WDR97: variants seen among roughly 807,000 people sequenced by gnomAD.
WDR97 encodes the protein WD repeat domain 97, also known as WD repeat-containing protein 97.
WDR97 carries 111 observed loss-of-function variants against 65.4 expected under a neutral mutation model. The observed-to-expected ratio is 1.70, with a 90% CI of 1.45 to 1.99. The LOEUF is 1.99. Among genes scored for constraint, WDR97 ranks in the 30% most tolerant of loss-of-function variants. WDR97 has a pLI of 0.00. For missense variants in WDR97, 1,674 were observed against 865.0 expected (o/e 1.94, Z -11.73); for synonymous variants, 802 against 397.7 (o/e 2.02, Z -12.10).
chr8:144,115,380 A>G lies in WDR97; in HGVS notation c.4117A>G (p.Thr1373Ala). 3.2e-6 allele frequency: 2 copies of G among 620,502 alleles called. No individual in the cohort carries two copies. The highest frequency in any genetic ancestry group is 5.8e-6 in the Non-Finnish European group (2 of 342,902). 38.4% of individuals were successfully genotyped at this position (620,502 alleles called of 1,614,324 possible). ...GACGTCAGTGGTCTCTGGGGCACCC[A>G]CACGCGCCTCCGTGATACCCTCGGG... The part of the protein sequence containing the change: ...SQTSVVSGAP[T>A]RASVIPSGTS... The change falls in exon 22 of 24, where the codon ACA becomes GCA. Residue 1373 changes from threonine to alanine, a missense_variant. Physicochemically the swap from Thr to Ala is moderately conservative, Grantham distance 58. Coordinates refer to ENST00000323662, the MANE Select transcript of WDR97 (RefSeq NM_001316309.2).
chr8:144,111,709 C>T lies in WDR97; in HGVS notation c.2565C>T (p.Pro855=), dbSNP rs936833712. 1.9e-5 allele frequency: 13 copies of T among 698,338 alleles called. No individual in the cohort carries two copies. Among genetic ancestry groups the T allele is most frequent in the African/African-American group, 7.0e-5 (4 of 57,078 alleles). The allele number at this position is 698,338 out of a possible 1,614,324, so 43.3% of individuals were successfully genotyped here. The change falls in exon 12 of 24, where the codon CCC becomes CCT. Residue 855 remains proline (P), a synonymous_variant. Coordinates refer to ENST00000323662, the MANE Select transcript of WDR97 (RefSeq NM_001316309.2). ...GGCTAGTGGTCCCAGCAGCCCAGCC[C>T]CCACCCTCCTGGCAGCAGCGCCAGG... The part of the protein sequence containing the change: ...RLGLVVPAAQ[P]PPSWQQRQEG...
At position 144,111,027 on chromosome 8, in the gene WDR97, G is replaced by A. The variant is rs1240920689; in HGVS notation, c.2304+31G>A. The A allele has an allele frequency of 1.1e-5, 8 of 702,216 alleles. No individual in the cohort carries two copies. In the Admixed American group the frequency reaches 1.2e-4, roughly 11 times the overall value. The allele number at this position is 702,216 out of a possible 1,614,324, so 43.5% of individuals were successfully genotyped here. A position where few individuals can be genotyped will look rare whatever the true frequency, so the allele number is the denominator to read the frequency against. On this transcript the variant is annotated intron_variant, in intron 9 of 23. Coordinates refer to ENST00000323662, the MANE Select transcript of WDR97 (RefSeq NM_001316309.2). The stretch of plus-strand genomic sequence containing the variant: ...TGGTGAGGACAGAGTGAGCAAGGTG[G>A]GCCCCCCTTGCTCACCTTGGGGGGC...
chr8:144,114,301 C>T lies in WDR97; in HGVS notation c.3618C>T (p.Ile1206=), dbSNP rs528202886. Residue 1206 remains isoleucine (I), a synonymous_variant, in exon 19 of 24, where the codon ATC becomes ATT. Transcript: ENST00000323662. Reference sequence around the variant, plus strand: ...AGGCATACCCGGAGGCGGGCACGATCGAGGGCCTGGCCTCGCTGTTGGTGG... The same window carrying T: ...AGGCATACCCGGAGGCGGGCACGATTGAGGGCCTGGCCTCGCTGTTGGTGG... ...SLQAYPEAGT[I]EGLASLLVAL... 252 of 702,116 alleles carry T rather than the reference C, an allele frequency of 3.6e-4. 3 individuals carry two copies. Among genetic ancestry groups the T allele is most frequent in the South Asian group, 2.9e-3 (193 of 67,596 alleles). 43.5% of individuals were successfully genotyped at this position (702,116 alleles called of 1,614,324 possible).
chr8:144,115,993 G>C lies in WDR97; in HGVS notation c.4646G>C (p.Arg1549Thr). Residue 1549 changes from arginine to threonine, a missense_variant, in exon 23 of 24, where the codon AGG becomes ACG. Physicochemically the swap from Arg to Thr is moderately conservative, Grantham distance 71. Transcript: ENST00000323662. ...GAGGCCAAGCCGCAGAGGTCCGCGA[G>C]GTCCGCGATGAGACTGAGGGGTGAG... ...LQEAKPQRSA[R>T]SAMRLRGPMR... The C allele has an allele frequency of 1.4e-6, 1 of 700,560 alleles. No individual in the cohort carries two copies. The highest frequency in any genetic ancestry group is 1.5e-5 in the South Asian group (1 of 67,534). The allele number at this position is 700,560 out of a possible 1,614,324, so 43.4% of individuals were successfully genotyped here. A position where few individuals can be genotyped will look rare whatever the true frequency, so the allele number is the denominator to read the frequency against.
intron 16 of WDR97, 31 bp downstream of exon 16, chr8:144,113,548 G>A (rs767213797): frequency 1.7e-4 from 119 of 688,056 alleles, no homozygotes; most frequent in Admixed American, 3.9e-4. Flanking sequence ...GACTCAGCTC[G>A]CCTCCCAGAG....
Position 144,112,118 on chromosome 8 carries a change from C to T in WDR97, c.2869C>T (p.Arg957Cys), listed in dbSNP as rs746528460. Residue 957 changes from arginine (R) to cysteine (C), a missense_variant, in exon 13 of 24, where the codon CGT becomes TGT. By Grantham distance (180) the Arg-to-Cys change is radical (BLOSUM62 -3). Coordinates refer to ENST00000323662, the MANE Select transcript of WDR97 (RefSeq NM_001316309.2). ...CACAGTGCCGATCCCACCCACCCACCGTAGGGTGCACAGCAAGGCATCCCA... is the reference window on the plus strand; with the variant it reads ...CACAGTGCCGATCCCACCCACCCACTGTAGGGTGCACAGCAAGGCATCCCA... ...RVTVPIPPTHRRVHSKASQLL... is the reference protein window; with the variant it reads ...RVTVPIPPTHCRVHSKASQLL... 4.3e-6 allele frequency: 3 copies of T among 702,724 alleles called. No homozygotes were observed. The highest frequency in any genetic ancestry group is 3.0e-5 in the South Asian group (2 of 67,604). The allele number at this position is 702,724 out of a possible 1,614,324, so 43.5% of individuals were successfully genotyped here.
In WDR97 at chr8:144,108,504, G is replaced by T. The variant is rs1468315476; in HGVS notation, c.438G>T (p.Ala146=). The part of the protein sequence containing the change: ...EDGWAQETLL[A]PVRLTGLVTV... ...GCTGGGCACAGGAGACGCTGCTGGC[G>T]CCTGTCCGGCTTACGGGGCTGGTGA... Residue 146 remains alanine (A), a synonymous_variant, in exon 3 of 24, where the codon GCG becomes GCT. Transcript: ENST00000323662. 1.4e-6 allele frequency: 1 copy of T among 700,762 alleles called. No homozygotes were observed. Among genetic ancestry groups the T allele is most frequent in the Non-Finnish European group, 2.6e-6 (1 of 384,310 alleles). The allele number at this position is 700,762 out of a possible 1,614,324, so 43.4% of individuals were successfully genotyped here. A position where few individuals can be genotyped will look rare whatever the true frequency, so the allele number is the denominator to read the frequency against.
At position 144,114,652 on chromosome 8, in the gene WDR97, C is replaced by G. The variant is rs1005307103; in HGVS notation, c.3891C>G (p.Phe1297Leu). ...TGGTGCTGGAGCTCATGTCCTACTT[C>G]CTCTACTCTCCCGTGCACTGCCGGT... ...RDVVLELMSY[F>L]LYSPVHCRPE... is the part of the protein sequence containing the mutation. Residue 1297 changes from phenylalanine (F) to leucine (L), a missense_variant, in exon 20 of 24, where the codon TTC (phenylalanine) becomes TTG (leucine). Coordinates refer to ENST00000323662, the MANE Select transcript of WDR97 (RefSeq NM_001316309.2). 5.7e-6 allele frequency: 4 copies of G among 702,736 alleles called. No individual in the cohort carries two copies. Among genetic ancestry groups the G allele is most frequent in the Non-Finnish European group, 1.0e-5 (4 of 385,008 alleles). The allele number at this position is 702,736 out of a possible 1,614,324, so 43.5% of individuals were successfully genotyped here.
At position 144,109,394 on chromosome 8, in the gene WDR97, G is replaced by T; in HGVS notation, c.1060G>T (p.Asp354Tyr). 1 of 702,602 alleles carries T rather than the reference G, an allele frequency of 1.4e-6. No homozygotes were observed. Among genetic ancestry groups the T allele is most frequent in the Non-Finnish European group, 2.6e-6 (1 of 384,858 alleles). The allele number at this position is 702,602 out of a possible 1,614,324, so 43.5% of individuals were successfully genotyped here. Residue 354 changes from aspartate (D) to tyrosine (Y), a missense_variant, in exon 5 of 24, where the codon GAC (aspartate) becomes TAC (tyrosine). Transcript: ENST00000323662. ...GACCCTGGTGTTGTCGGCCTCGCAGGACGGGACGCTACGCACCTGGGACCT... is the reference window on the plus strand; with the variant it reads ...GACCCTGGTGTTGTCGGCCTCGCAGTACGGGACGCTACGCACCTGGGACCT... Reference protein sequence around the residue: ...NTTLVLSASQDGTLRTWDLQA... With the variant: ...NTTLVLSASQYGTLRTWDLQA...
At position 144,109,645 on chromosome 8, in the gene WDR97, T is replaced by C; in HGVS notation, c.1311T>C (p.Pro437=). 3 of 673,170 alleles carry C rather than the reference T, an allele frequency of 4.5e-6. No individual in the cohort carries two copies. Among genetic ancestry groups the C allele is most frequent in the Middle Eastern group, 3.4e-4 (1 of 2,934 alleles). 41.7% of individuals were successfully genotyped at this position (673,170 alleles called of 1,614,324 possible). A position where few individuals can be genotyped will look rare whatever the true frequency, so the allele number is the denominator to read the frequency against. Residue 437 remains proline (P), a synonymous_variant, in exon 5 of 24, where the codon CCT becomes CCC. Transcript: ENST00000323662. The part of the protein sequence containing the change: ...HVQVAPALPA[P]AHQSLPTRLV... The stretch of plus-strand genomic sequence containing the variant: ...AGGTGGCGCCCGCGTTGCCCGCGCC[T>C]GCGCACCAGTCGCTGCCTACGCGCC...
At position 144,111,140 on chromosome 8, in the gene WDR97, C is replaced by T. The variant is rs1362326504; in HGVS notation, c.2344C>T (p.Pro782Ser). The change falls in exon 10 of 24, where the codon CCG (proline) becomes TCG (serine). Residue 782 changes from proline (P) to serine (S), a missense_variant. By Grantham distance (74) the Pro-to-Ser change is moderately conservative. Transcript: ENST00000323662. ...GGCCCCAGACGTGGTGGACGACCCT[C>T]CGCTGCCACTGATGAGCCAGGAGTC... ...RKAPDVVDDP[P>S]LPLMSQESLT... The T allele has an allele frequency of 2.8e-6, 2 of 702,808 alleles. No homozygotes were observed. The highest frequency in any genetic ancestry group is 3.0e-5 in the South Asian group (2 of 67,604). The allele number at this position is 702,808 out of a possible 1,614,324, so 43.5% of individuals were successfully genotyped here.
chr8:144,109,524 C>A lies in WDR97; in HGVS notation c.1190C>A (p.Pro397Gln). 2 of 697,220 alleles carry A rather than the reference C, an allele frequency of 2.9e-6. No homozygotes were observed. Among genetic ancestry groups the A allele is most frequent in the East Asian group, 2.7e-5 (1 of 37,010 alleles). The allele number at this position is 697,220 out of a possible 1,614,324, so 43.2% of individuals were successfully genotyped here. The change falls in exon 5 of 24, where the codon CCG becomes CAG. Residue 397 changes from proline to glutamine, a missense_variant. By Grantham distance (76) the Pro-to-Gln change is moderately conservative (BLOSUM62 -1). Transcript: ENST00000323662. ...RLLAPVRPGW[P>Q]VLSLCASSMQ... is the part of the protein sequence containing the mutation. ...CTGGCGCCGGTGCGCCCGGGCTGGC[C>A]GGTGCTGTCCCTGTGCGCGAGCAGC... is the stretch of plus-strand genomic sequence containing the variant.
At position 144,107,847 on chromosome 8, in the gene WDR97, C is replaced by T. The variant is rs1836449009; in HGVS notation, c.97C>T (p.Leu33Phe). The T allele has an allele frequency of 1.4e-6, 1 of 702,834 alleles. No homozygotes were observed. Among genetic ancestry groups the T allele is most frequent in the East Asian group, 2.7e-5 (1 of 37,284 alleles). 43.5% of individuals were successfully genotyped at this position (702,834 alleles called of 1,614,324 possible). The change falls in exon 1 of 24, where the codon CTC (leucine) becomes TTC (phenylalanine). Residue 33 changes from leucine (L) to phenylalanine (F), a missense_variant. Leu to Phe is a conservative substitution (Grantham distance 22). Transcript: ENST00000323662. Reference sequence around the variant, plus strand: ...CTATGATGTCCCAGACCCTGGGCTGCTCACCGAAAAGAATGGTGAGGGGGC... The same window carrying T: ...CTATGATGTCCCAGACCCTGGGCTGTTCACCGAAAAGAATGGTGAGGGGGC... Reference protein sequence around the residue: ...DGYDVPDPGLLTEKNELTFTE... With the variant: ...DGYDVPDPGLFTEKNELTFTE...
Position 144,111,891 on chromosome 8 carries a change from T to C in WDR97, c.2642T>C (p.Met881Thr). Residue 881 changes from methionine to threonine, a missense_variant, in exon 13 of 24, where the codon ATG (methionine) becomes ACG (threonine). Physicochemically the swap from Met to Thr is moderately conservative, Grantham distance 81 (BLOSUM62 -1). Transcript: ENST00000323662. ...TCTGCTCCTGCTACCTCCCAGGGCATGCAGTCTGGAAGGGGGTCCCAGCAG... is the reference window on the plus strand; with the variant it reads ...TCTGCTCCTGCTACCTCCCAGGGCACGCAGTCTGGAAGGGGGTCCCAGCAG... ...RLIYGSGLLG[M>T]QSGRGSQQWS... is the part of the protein sequence containing the mutation. 1 of 677,342 alleles carries C rather than the reference T, an allele frequency of 1.5e-6. No homozygotes were observed. The highest frequency in any genetic ancestry group is 1.8e-5 in the African/African-American group (1 of 55,850). The allele number at this position is 677,342 out of a possible 1,614,324, so 42.0% of individuals were successfully genotyped here. A position where few individuals can be genotyped will look rare whatever the true frequency, so the allele number is the denominator to read the frequency against.
chr8:144,111,105 T>C lies in WDR97; in HGVS notation c.2309T>C (p.Met770Thr), dbSNP rs1451456958. Residue 770 changes from methionine to threonine, a missense_variant, in exon 10 of 24, where the codon ATG becomes ACG. Physicochemically the swap from Met to Thr is moderately conservative, Grantham distance 81. Coordinates refer to ENST00000323662, the MANE Select transcript of WDR97 (RefSeq NM_001316309.2). The stretch of plus-strand genomic sequence containing the variant: ...CAGGCTCCTTCCCCTATTCAGAAGA[T>C]GTGCCGGAAGGCCCCAGACGTGGTG... The part of the protein sequence containing the change: ...YLPTSYLVKK[M>T]CRKAPDVVDD... 1 of 702,716 alleles carries C rather than the reference T, an allele frequency of 1.4e-6. No individual in the cohort carries two copies. The highest frequency in any genetic ancestry group is 2.6e-6 in the Non-Finnish European group (1 of 385,012). 43.5% of individuals were successfully genotyped at this position (702,716 alleles called of 1,614,324 possible). A position where few individuals can be genotyped will look rare whatever the true frequency, so the allele number is the denominator to read the frequency against.
At position 144,115,722 on chromosome 8, in the gene WDR97, C is replaced by T. The variant is rs1277175420; in HGVS notation, c.4459C>T (p.Leu1487Phe). The change falls in exon 22 of 24, where the codon CTC becomes TTC. Residue 1487 changes from leucine (L) to phenylalanine (F), a missense_variant. Coordinates refer to ENST00000323662, the MANE Select transcript of WDR97 (RefSeq NM_001316309.2). ...QLLDLGPIDALNFFCEQLRAQ... is the reference protein window; with the variant it reads ...QLLDLGPIDAFNFFCEQLRAQ... ...GCTGGACTTGGGCCCCATCGACGCG[C>T]TCAACTTCTTCTGTGAGCAGCTGCG... is the stretch of plus-strand genomic sequence containing the variant. 2 of 701,646 alleles carry T rather than the reference C, an allele frequency of 2.9e-6. No homozygotes were observed. Among genetic ancestry groups the T allele is most frequent in the African/African-American group, 3.5e-5 (2 of 57,224 alleles). The allele number at this position is 701,646 out of a possible 1,614,324, so 43.5% of individuals were successfully genotyped here.
intron 15 of WDR97, chr8:144,112,775 A>C (rs1397392330): frequency 1.8e-6 from 1 of 564,984 alleles, no homozygotes; most frequent in Non-Finnish European, 3.2e-6. Flanking sequence ...CTGGGAGCTG[A>C]CATCAGGCAA....
At position 144,114,266 on chromosome 8, in the gene WDR97, G is replaced by GCTA. The variant is rs1190529628; in HGVS notation, c.3595-10_3595-8dup. On this transcript the variant is annotated splice_polypyrimidine_tract_variant and intron_variant, in intron 18 of 23. Transcript: ENST00000323662. ...TGACATGGGAGCAGGGCCTCAGCAT[G>GCTA]CTACCCTGCAGGCATACCCGGAGGC... 2.9e-6 allele frequency: 2 copies of GCTA among 698,144 alleles called. No individual in the cohort carries two copies. The highest frequency in any genetic ancestry group is 3.0e-5 in the South Asian group (2 of 67,482). The allele number at this position is 698,144 out of a possible 1,614,324, so 43.2% of individuals were successfully genotyped here.
In WDR97 at chr8:144,108,322, A is replaced by G; in HGVS notation, c.256A>G (p.Arg86Gly). 1 of 693,110 alleles carries G rather than the reference A, an allele frequency of 1.4e-6. No individual in the cohort carries two copies. The highest frequency in any genetic ancestry group is 2.6e-6 in the Non-Finnish European group (1 of 382,186). 42.9% of individuals were successfully genotyped at this position (693,110 alleles called of 1,614,324 possible). A position where few individuals can be genotyped will look rare whatever the true frequency, so the allele number is the denominator to read the frequency against. ...CGCCCACCCCGGCCCACAGGAGAAG[A>G]GAGCCGAGCTGCGCGCGGCGCGCCT... is the stretch of plus-strand genomic sequence containing the variant. ...SLHEVVEKEK[R>G]AELRAARLTH... Residue 86 changes from arginine to glycine, a missense_variant, in exon 3 of 24, where the codon AGA becomes GGA. By Grantham distance (125) the Arg-to-Gly change is moderately radical. Transcript: ENST00000323662.
Sources: gnomAD v4.1 joint callset for allele counts on GRCh38, gnomAD v4.1.1 for gene constraint, MANE v1.5 for transcripts, NCBI Gene and HGNC (gene_info 2026-07-23, HGNC 2026-07-21) for gene names.